The following C12orf75 variants were observed in gnomAD, a reference collection of about 807,000 sequenced individuals.
The protein encoded by C12orf75 is overexpressed in colon carcinoma 1 protein.
Under a neutral mutation model 11.4 loss-of-function variants are expected in C12orf75, and 4 were observed. The ratio of observed to expected loss-of-function variants is 0.35; its 90% CI spans 0.17 to 0.80. The LOEUF (loss-of-function observed/expected upper bound fraction) is 0.80, where lower values mean the gene tolerates loss of function less well. Ranked by LOEUF, C12orf75 falls within the 30% of genes least tolerant of loss-of-function variation. C12orf75 has a pLI of 0.52. For synonymous variants in C12orf75, 30 were observed against 30.0 expected, an observed-to-expected ratio of 1.00 and a Z score of 0.00; for missense variants, 89 against 80.4, an observed-to-expected ratio of 1.11 and a Z score of -0.41.
At chr12:105,333,433 G>A (rs962699379) in intron 1 of C12orf75, among the ~76,000 whole-genome samples, 1 of 152,174 alleles carries the variant, frequency 6.6e-6, no homozygotes, top group Non-Finnish European at 1.5e-5. Flanking sequence ...ACGCGTTAAA[G>A]AGATATTGTC....
At chr12:105,347,088 A>T (rs1057146258) in intron 1 of C12orf75, among the ~76,000 whole-genome samples, 1 of 152,238 alleles carries the variant, frequency 6.6e-6, no homozygotes, top group Non-Finnish European at 1.5e-5. Context: ...AAGGATGCTT[A>T]ATACCATATA....
At chr12:105,361,656 C>A (rs749034110) in intron 2 of C12orf75, among the ~76,000 whole-genome samples, 11 of 152,106 alleles carry the variant, frequency 7.2e-5, no homozygotes, top group Non-Finnish European at 1.5e-4. Flanking sequence ...TACCAGGGGT[C>A]TTTATTGCTG....
intron 1 of C12orf75, among the ~76,000 whole-genome samples, chr12:105,337,977 A>G (rs902255718): frequency 1.3e-5 from 2 of 152,152 alleles, no homozygotes; most frequent in Non-Finnish European, 2.9e-5. Flanking sequence ...GAGAAAAAAA[A>G]CCTATGAAAT....
At chr12:105,364,285 A>G (rs1033235050) in intron 2 of C12orf75, among the ~76,000 whole-genome samples, 20 of 152,222 alleles carry the variant, frequency 1.3e-4, no homozygotes, top group African/African-American at 4.8e-4. Context: ...TACCACATCA[A>G]TAAGCATAAC....
chr12:105,344,018 A>G (rs1013116382), intron 1 of C12orf75, among the ~76,000 whole-genome samples: 2 of 152,156 alleles, frequency 1.3e-5, no homozygotes, highest in African/African-American at 4.8e-5. Context: ...TGGTGGCACC[A>G]TGCATCTCCC....
At chr12:105,349,849 C>A (rs1040557864) in intron 2 of C12orf75, among the ~76,000 whole-genome samples, 2 of 151,976 alleles carry the variant, frequency 1.3e-5, no homozygotes, top group Non-Finnish European at 2.9e-5. Flanking sequence ...TGCACTCCAG[C>A]CTGGGTGACA....
At chr12:105,332,065 G>A (rs1892435301) in intron 1 of C12orf75, among the ~76,000 whole-genome samples, 1 of 152,164 alleles carries the variant, frequency 6.6e-6, no homozygotes, top group African/African-American at 2.4e-5. Flanking sequence ...GAGAGCCACA[G>A]GAGAGCGAAC....
intron 2 of C12orf75, among the ~76,000 whole-genome samples, chr12:105,361,499 A>G (rs901235604): frequency 5.9e-5 from 9 of 152,182 alleles, no homozygotes; most frequent in African/African-American, 2.2e-4. Context: ...TCTCTTACCA[A>G]AAAAACGACC....
rs1453596824 is a variant in C12orf75 at position 105,345,683 on chromosome 12, A to G, written c.47-2919A>G. Among the ~76,000 whole-genome samples the G allele has an allele frequency of 3.1e-4, 3 of 9,752 alleles. No homozygotes were observed. In the East Asian group the frequency reaches 0.05, roughly 163 times the overall value. 6.4% of individuals were successfully genotyped at this position (9,752 alleles called of 152,430 possible). ...CCTTTTTTTTTTTTTTTTTTTTGAGACAGAGTCTTGCTCTGTTGCCCAGGC... is the reference window on the plus strand; with the variant it reads ...CCTTTTTTTTTTTTTTTTTTTTGAGGCAGAGTCTTGCTCTGTTGCCCAGGC... On this transcript the variant is annotated intron_variant, in intron 1 of 5. Coordinates refer to ENST00000443585, the MANE Select transcript of C12orf75 (RefSeq NM_001145199.2).
intron 1 of C12orf75, among the ~76,000 whole-genome samples, chr12:105,335,779 C>G (rs371472505): frequency 2.0e-5 from 3 of 152,238 alleles, no homozygotes; most frequent in Admixed American, 6.5e-5. Flanking sequence ...TCATGAAAGC[C>G]TATACATTTT....
At chr12:105,368,580 C>G (rs1050583456) in intron 5 of C12orf75, among the ~76,000 whole-genome samples, 1 of 152,094 alleles carries the variant, frequency 6.6e-6, no homozygotes, top group South Asian at 2.1e-4. Flanking sequence ...TTTTTGATAA[C>G]CAGAATCTAA....
At chr12:105,355,160 TTC>T (rs1173469921) in intron 2 of C12orf75, among the ~76,000 whole-genome samples, 14 of 111,584 alleles carry the variant, frequency 1.3e-4, no homozygotes, top group African/African-American at 4.6e-4. Context: ...TTTCACGAAT[TTC>T]TTTTTCTTTT....
rs79501735 is a variant in C12orf75 at position 105,357,236 on chromosome 12, G to C, written c.72-8571G>C. On this transcript the variant is annotated intron_variant, in intron 2 of 5. Transcript: ENST00000443585. The stretch of plus-strand genomic sequence containing the variant: ...CCTGAGAAGGGTAAGAAGAGCACCT[G>C]GCTGGTTTTAGTAAGTTCACAGGAA... 5.2e-3 allele frequency among the ~76,000 whole-genome samples: 797 copies of C among 152,312 alleles called. 10 individuals carry two copies. Among genetic ancestry groups the C allele is most frequent in the African/African-American group, 0.018 (768 of 41,556 alleles).
In C12orf75 at chr12:105,340,806, A is replaced by G. The variant is rs147673931; in HGVS notation, c.47-7796A>G. ...TCTAAATCCAATGAGAAGGGTGTTT[A>G]TGAGAGACACAAGATGAGAAGACGG... On this transcript the variant is annotated intron_variant, in intron 1 of 5. Coordinates refer to ENST00000443585, the MANE Select transcript of C12orf75 (RefSeq NM_001145199.2). Among the ~76,000 whole-genome samples, 713 of 152,278 alleles carry G rather than the reference A, an allele frequency of 4.7e-3. 13 individuals are homozygous for G. The highest frequency in any genetic ancestry group is 0.016 in the African/African-American group (663 of 41,542).
intron 1 of C12orf75, among the ~76,000 whole-genome samples, chr12:105,335,556 A>G (rs1026042847): frequency 1.3e-5 from 2 of 152,018 alleles, no homozygotes; most frequent in African/African-American, 2.4e-5. Flanking sequence ...AGCTGATACT[A>G]TGTTTATTTC....
At chr12:105,341,435 TC>T (rs1892572262) in intron 1 of C12orf75, among the ~76,000 whole-genome samples, 2 of 152,162 alleles carry the variant, frequency 1.3e-5, no homozygotes, top group African/African-American at 4.8e-5. Context: ...AAGACTGCCC[TC>T]CCTTCAGACT....
chr12:105,353,740 A>T (rs1158658916), intron 2 of C12orf75, among the ~76,000 whole-genome samples: 2 of 152,262 alleles, frequency 1.3e-5, no homozygotes, highest in Admixed American at 1.3e-4. Flanking sequence ...GTATTAAATA[A>T]GTTGACTCAA....
At chr12:105,343,927 T>C (rs1892604934) in intron 1 of C12orf75, among the ~76,000 whole-genome samples, 1 of 152,164 alleles carries the variant, frequency 6.6e-6, no homozygotes, top group Non-Finnish European at 1.5e-5. Flanking sequence ...CCCCTACCAT[T>C]GCAGTTATTC....
chr12:105,340,839 A>AG (rs1355990686), intron 1 of C12orf75, among the ~76,000 whole-genome samples: 4 of 152,182 alleles, frequency 2.6e-5, no homozygotes, highest in African/African-American at 9.7e-5. Context: ...CGGACATAGA[A>AG]GGGAAGGTGA....
Sources: gnomAD v4.1 joint callset for allele counts (sites outside exome capture counted in the v4.1 genomes callset) on GRCh38, gnomAD v4.1.1 for gene constraint, MANE v1.5 for transcripts, NCBI Gene and HGNC (gene_info 2026-07-23, HGNC 2026-07-21) for gene names.